SAMMSON: variants seen among roughly 807,000 people sequenced by gnomAD.
The protein encoded by SAMMSON is survival associated mitochondrial melanoma specific oncogenic non-coding RNA.
At chr3:70,204,033 A>T (rs1701267678) in intron 4 of SAMMSON, among the ~76,000 whole-genome samples, 1 of 152,162 alleles carries the variant, frequency 6.6e-6, no homozygotes, top group African/African-American at 2.4e-5. Context: ...TTAAATTCCC[A>T]TCAGAGCACA....
At chr3:70,325,261 A>G (rs1702570089) in intron 7 of SAMMSON, among the ~76,000 whole-genome samples, 1 of 152,152 alleles carries the variant, frequency 6.6e-6, no homozygotes, top group South Asian at 2.1e-4. Context: ...TGCAGGAAAC[A>G]TCCTGCACAA....
intron 4 of SAMMSON, among the ~76,000 whole-genome samples, chr3:70,079,857 C>T (rs1416637494): frequency 6.6e-6 from 1 of 152,150 alleles, no homozygotes; most frequent in African/African-American, 2.4e-5. Flanking sequence ...ACCATCAGTG[C>T]ACCAAGCCCC....
intron 3 of SAMMSON, among the ~76,000 whole-genome samples, chr3:70,040,698 A>G (rs547550115): frequency 6.6e-6 from 1 of 152,226 alleles, no homozygotes; most frequent in East Asian, 1.9e-4. Context: ...TGGCCATTGC[A>G]TCTTGAATCC....
At chr3:70,013,308 A>G (rs1181052801) in intron 2 of SAMMSON, among the ~76,000 whole-genome samples, 2 of 152,172 alleles carry the variant, frequency 1.3e-5, no homozygotes, top group African/African-American at 2.4e-5. Context: ...ACTAGAAGCA[A>G]TAAGAGTAGC....
intron 6 of SAMMSON, among the ~76,000 whole-genome samples, chr3:70,290,722 C>T (rs1205183103): frequency 1.3e-5 from 2 of 152,038 alleles, no homozygotes; most frequent in East Asian, 1.9e-4. Flanking sequence ...ACTCCGTGGG[C>T]GTAGGACCCT....
chr3:70,337,407 TA>T (rs1473226392), intron 7 of SAMMSON, among the ~76,000 whole-genome samples: 2 of 151,658 alleles, frequency 1.3e-5, no homozygotes, highest in Non-Finnish European at 2.9e-5. Context: ...GCTACCCTGT[TA>T]AGTGCTTGTT....
intron 4 of SAMMSON, among the ~76,000 whole-genome samples, chr3:70,089,755 TTAA>T (rs986788085): frequency 6.6e-6 from 1 of 152,148 alleles, no homozygotes; most frequent in Non-Finnish European, 1.5e-5. Flanking sequence ...GTTATTCTTG[TTAA>T]TAATAATGAT....
intron 4 of SAMMSON, among the ~76,000 whole-genome samples, chr3:70,150,739 G>A (rs1021876149): frequency 2.0e-5 from 3 of 152,012 alleles, no homozygotes; most frequent in Non-Finnish European, 2.9e-5. Flanking sequence ...CATTGTTTTA[G>A]CTTCAGTGAT....
At chr3:70,074,718 TG>T (rs936916260) in intron 4 of SAMMSON, among the ~76,000 whole-genome samples, 1 of 152,098 alleles carries the variant, frequency 6.6e-6, no homozygotes, top group Non-Finnish European at 1.5e-5. Context: ...GCCTCCTCTC[TG>T]GTTTGTACAT....
intron 2 of SAMMSON, among the ~76,000 whole-genome samples, chr3:70,432,921 G>C (rs1701426407): frequency 6.6e-6 from 1 of 151,934 alleles, no homozygotes; most frequent in African/African-American, 2.4e-5. Flanking sequence ...ACAGTATGTA[G>C]TTTTTTCAGA....
chr3:70,076,506 A>G (rs1187163297), intron 4 of SAMMSON, among the ~76,000 whole-genome samples: 1 of 152,162 alleles, frequency 6.6e-6, no homozygotes, highest in Admixed American at 6.5e-5. Context: ...TTGAAGTGAC[A>G]GTCTGTAAAT....
At chr3:70,121,351 C>T (rs2067432319) in intron 4 of SAMMSON, among the ~76,000 whole-genome samples, 3 of 152,114 alleles carry the variant, frequency 2.0e-5, no homozygotes, top group Admixed American at 2.0e-4. Flanking sequence ...CTCCTCCTCT[C>T]AGTCATACCT....
intron 4 of SAMMSON, among the ~76,000 whole-genome samples, chr3:70,209,343 A>G (rs1157180384): frequency 6.6e-6 from 1 of 152,224 alleles, no homozygotes; most frequent in East Asian, 1.9e-4. Flanking sequence ...CTTGTGGGAC[A>G]AAATCACTGT....
chr3:70,017,618 A>G (rs1250330962), intron 3 of SAMMSON, among the ~76,000 whole-genome samples: 1 of 152,066 alleles, frequency 6.6e-6, no homozygotes, highest in African/African-American at 2.4e-5. Flanking sequence ...TTCTAACACT[A>G]TGTTGAATAG....
At chr3:70,366,492 G>GTTTTTTTTTTTTTTTTTTTTTTTATTTTT in intron 9 of SAMMSON, among the ~76,000 whole-genome samples, 2 of 100,758 alleles carry the variant, frequency 2.0e-5, no homozygotes, top group African/African-American at 3.6e-5. Context: ...GTGTTTTTAT[G>GTTTTTTTTTTTTTTTTTTTTTTTATTTTT]TTTTTTTTTT....
At chr3:70,407,474 A>G (rs1286500616) in intron 2 of SAMMSON, among the ~76,000 whole-genome samples, 3 of 152,172 alleles carry the variant, frequency 2.0e-5, no homozygotes, top group Admixed American at 6.5e-5. Context: ...AGCCTTTCCA[A>G]ATGAGAGAAA....
intron 1 of SAMMSON, among the ~76,000 whole-genome samples, chr3:70,010,823 T>G (rs899509769): frequency 2.0e-5 from 3 of 152,140 alleles, no homozygotes; most frequent in Non-Finnish European, 2.9e-5. Context: ...AGCAGGCACC[T>G]TCTTCACAGG....
intron 3 of SAMMSON, among the ~76,000 whole-genome samples, chr3:70,021,915 C>G (rs1239843943): frequency 1.3e-5 from 2 of 151,954 alleles, no homozygotes; most frequent in Admixed American, 6.6e-5. Flanking sequence ...TCAAAGAAAC[C>G]TATGAAATCT....
chr3:70,323,434 C>G (rs1702551939), intron 7 of SAMMSON, among the ~76,000 whole-genome samples: 1 of 152,126 alleles, frequency 6.6e-6, no homozygotes, highest in Non-Finnish European at 1.5e-5. Flanking sequence ...TGTATGCTTC[C>G]TCTTTGCAAA....
Sources: allele counts gnomAD v4.1 joint callset (sites outside exome capture counted in the v4.1 genomes callset), GRCh38; gene constraint gnomAD v4.1.1; transcripts MANE v1.5; gene names NCBI Gene and HGNC (gene_info 2026-07-23, HGNC 2026-07-21).